TENM3: variants seen among roughly 807,000 people sequenced by gnomAD.
TENM3 encodes the protein teneurin-3.
A neutral mutation model predicts 255.1 loss-of-function variants in TENM3; 63 were observed. The ratio of observed to expected loss-of-function variants is 0.25; its 90% CI spans 0.20 to 0.30. The LOEUF (loss-of-function observed/expected upper bound fraction) is 0.30, where lower values mean the gene tolerates loss of function less well. TENM3 is among the 10% of genes least tolerant of loss of function. The pLI is 1.00. For synonymous variants in TENM3, 1,306 were observed against 1,322.3 expected (o/e 0.99, Z 0.27); for missense variants, 2,929 against 3,461.1 (o/e 0.85, Z 3.86).
chr4:182,396,511 A>G (rs981098144), intron 3 of TENM3, among the ~76,000 whole-genome samples: 1 of 152,218 alleles, frequency 6.6e-6, no homozygotes, highest in African/African-American at 2.4e-5. Flanking sequence ...AAAAATAGCT[A>G]TTATTATCAT....
the TENM3 span, among the ~76,000 whole-genome samples, chr4:181,992,734 C>T: frequency 6.6e-6 from 1 of 152,062 alleles, no homozygotes; most frequent in African/African-American, 2.4e-5. Context: ...CGACTAGAAG[C>T]ATTTTTCAAA....
intron 22 of TENM3, among the ~76,000 whole-genome samples, chr4:182,756,341 C>G (rs909978474): frequency 6.6e-6 from 1 of 152,072 alleles, no homozygotes; most frequent in Admixed American, 6.6e-5. Context: ...GGAGTGGTGG[C>G]CCGGGCACTG....
the TENM3 span, among the ~76,000 whole-genome samples, chr4:181,942,313 A>T: frequency 1.4e-5 from 2 of 147,968 alleles, no homozygotes; most frequent in African/African-American, 5.0e-5. Context: ...TTTTATCCAA[A>T]ATTATCAGTT....
intron 1 of TENM3, among the ~76,000 whole-genome samples, chr4:182,181,830 A>G (rs911311652): frequency 2.0e-5 from 3 of 151,740 alleles, no homozygotes; most frequent in African/African-American, 7.3e-5. Context: ...ATAATCAATC[A>G]CTGATATTTC....
chr4:181,836,172 C>T, the TENM3 span, among the ~76,000 whole-genome samples: 1 of 88,328 alleles, frequency 1.1e-5, no homozygotes, highest in Non-Finnish European at 2.4e-5. Flanking sequence ...ACACTGTTTT[C>T]ATACACACAT....
chr4:181,719,068 C>T, the TENM3 span, among the ~76,000 whole-genome samples: 90 of 150,894 alleles, frequency 6.0e-4, no homozygotes, highest in Admixed American at 9.9e-4. Context: ...TAGCCGGGCG[C>T]GGTGGCGGGC....
the TENM3 span, among the ~76,000 whole-genome samples, chr4:181,771,642 A>G: frequency 1.3e-5 from 2 of 152,232 alleles, no homozygotes; most frequent in Non-Finnish European, 2.9e-5. Flanking sequence ...CTCTGTTCCC[A>G]AGAGTTATTT....
At chr4:181,981,062 A>G in the TENM3 span, among the ~76,000 whole-genome samples, 1 of 152,240 alleles carries the variant, frequency 6.6e-6, no homozygotes, top group East Asian at 1.9e-4. Flanking sequence ...TGCCACATTA[A>G]TTGTCACCTT....
At chr4:182,551,529 G>T (rs1742016939) in intron 3 of TENM3, among the ~76,000 whole-genome samples, 2 of 152,044 alleles carry the variant, frequency 1.3e-5, no homozygotes, top group African/African-American at 2.4e-5. Context: ...AAAGTGCAAT[G>T]AATCTATTAT....
chr4:181,813,748 G>A, the TENM3 span, among the ~76,000 whole-genome samples: 1 of 152,138 alleles, frequency 6.6e-6, no homozygotes, highest in Non-Finnish European at 1.5e-5. Context: ...GTGCAAAGAA[G>A]AAAATTCGGG....
At chr4:182,727,514 G>C (rs1409925465) in intron 13 of TENM3, among the ~76,000 whole-genome samples, 1 of 151,292 alleles carries the variant, frequency 6.6e-6, no homozygotes, top group Non-Finnish European at 1.5e-5. Context: ...TGACCTTAAA[G>C]GATAATGTTA....
intron 3 of TENM3, among the ~76,000 whole-genome samples, chr4:182,386,002 C>G (rs1173368197): frequency 2.6e-5 from 4 of 152,152 alleles, no homozygotes; most frequent in Non-Finnish European, 5.9e-5. Flanking sequence ...TGAAAACCCT[C>G]CCAAGAATAT....
the TENM3 span, among the ~76,000 whole-genome samples, chr4:181,828,633 T>A: frequency 1.3e-5 from 2 of 152,144 alleles, no homozygotes; most frequent in Admixed American, 6.5e-5. Flanking sequence ...GCCCAGGCAC[T>A]GAGAAAGTGC....
In TENM3 at chr4:182,792,122, G is replaced by A. The variant is rs1442463682; in HGVS notation, c.5602-152G>A. ...TAAGCATCCAAGCAAATTAGGCAGAGAAACGTTAACAACACGCAAGGTCAA... is the reference window on the plus strand; with the variant it reads ...TAAGCATCCAAGCAAATTAGGCAGAAAAACGTTAACAACACGCAAGGTCAA... On this transcript the variant is annotated intron_variant, in intron 25 of 27. Coordinates refer to ENST00000511685, the MANE Select transcript of TENM3 (RefSeq NM_001080477.4). This position sits in a 1 kb window ranked among gnomAD's most constrained non-coding sequence, Gnocchi z 6.3. Among the ~76,000 whole-genome samples the A allele has an allele frequency of 6.6e-6, 1 of 152,158 alleles. No homozygotes were observed. Among genetic ancestry groups the A allele is most frequent in the South Asian group, 2.1e-4 (1 of 4,828 alleles).
At chr4:182,500,032 T>C (rs762718163) in intron 3 of TENM3, among the ~76,000 whole-genome samples, 2 of 152,212 alleles carry the variant, frequency 1.3e-5, no homozygotes, top group East Asian at 1.9e-4. Context: ...AAGACACTTA[T>C]ACGACTTCTG....
the TENM3 span, among the ~76,000 whole-genome samples, chr4:182,104,301 A>AT: frequency 0.011 from 1,698 of 152,186 alleles, 22 homozygotes; most frequent in African/African-American, 0.024. Context: ...GGTGCTTATT[A>AT]TTCAACATGA....
At chr4:181,904,220 T>C in the TENM3 span, among the ~76,000 whole-genome samples, 1 of 152,116 alleles carries the variant, frequency 6.6e-6, no homozygotes, top group Admixed American at 6.5e-5. Context: ...TGCAAGCCAC[T>C]ATCAGTCCTC....
the TENM3 span, among the ~76,000 whole-genome samples, chr4:182,127,929 T>A: frequency 6.6e-5 from 10 of 152,284 alleles, no homozygotes; most frequent in African/African-American, 2.4e-4. Flanking sequence ...ATTAAGAGAA[T>A]TAAATATAAA....
the TENM3 span, among the ~76,000 whole-genome samples, chr4:181,827,197 T>A: frequency 6.6e-6 from 1 of 152,184 alleles, no homozygotes; most frequent in African/African-American, 2.4e-5. Context: ...TAGCGCTAAT[T>A]GGTAACACCT....
Sources: allele counts gnomAD v4.1 joint callset (sites outside exome capture counted in the v4.1 genomes callset), GRCh38; gene constraint gnomAD v4.1.1; non-coding constraint Gnocchi (gnomAD v3.1); transcripts MANE v1.5; gene names NCBI Gene and HGNC (gene_info 2026-07-23, HGNC 2026-07-21).